The following EIF3L variants were observed in gnomAD, a reference collection of about 807,000 sequenced individuals.
The protein encoded by EIF3L is eukaryotic translation initiation factor 3 subunit L.
A neutral mutation model predicts 74.6 loss-of-function variants in EIF3L; 32 were observed. The observed-to-expected ratio is 0.43, with a 90% confidence interval of 0.32 to 0.58. The LOEUF (loss-of-function observed/expected upper bound fraction) is 0.58, where lower values mean the gene tolerates loss of function less well. Ranked by LOEUF, EIF3L falls within the 20% of genes least tolerant of loss-of-function variation. The probability of loss-of-function intolerance (pLI) is 0.06; values close to 1 mark genes in which losing one functional copy is unlikely to be tolerated. For missense variants in EIF3L, 474 were observed against 707.8 expected, an observed-to-expected ratio of 0.67 and a Z score of 3.75; for synonymous variants, 256 against 254.4, an observed-to-expected ratio of 1.01 and a Z score of -0.06.
chr22:37,849,975 G>C, intron 1 of EIF3L, 40 bp from the exon 2 acceptor site: 1 of 1,612,490 alleles, frequency 6.2e-7, no homozygotes, highest in Non-Finnish European at 8.5e-7. Flanking sequence ...TTGAATTCAC[G>C]ACTTGGCGGC....
At chr22:37,873,384 C>T (rs1177729289) in intron 8 of EIF3L, among the ~76,000 whole-genome samples, 7 of 151,450 alleles carry the variant, frequency 4.6e-5, no homozygotes, top group Non-Finnish European at 7.4e-5. Flanking sequence ...CTGCAAGCTC[C>T]GCCTCCCGGG....
intron 5 of EIF3L, among the ~76,000 whole-genome samples, chr22:37,860,325 C>T (rs949455505): frequency 2.0e-5 from 3 of 152,180 alleles, no homozygotes; most frequent in Non-Finnish European, 1.5e-5. Flanking sequence ...TAAGCTCTGT[C>T]TTCAACATAC....
chr22:37,877,612 C>A, intron 10 of EIF3L, 62 bp from the exon 11 acceptor site: 3 of 1,526,320 alleles, frequency 2.0e-6, no homozygotes, highest in Non-Finnish European at 2.6e-6. Flanking sequence ...GGCCAGTTGG[C>A]AGTGGGGACC....
chr22:37,853,009 A>G (rs1169730901), intron 3 of EIF3L, among the ~76,000 whole-genome samples: 10 of 152,206 alleles, frequency 6.6e-5, no homozygotes. Flanking sequence ...ACACAACACC[A>G]AAACATGCTA....
At position 37,860,564 on chromosome 22, in the gene EIF3L, G is replaced by C. The variant is rs968282787; in HGVS notation, c.435+1824G>C. ...ATTTTTGTATTTTTAGTAGAGACAG[G>C]GTTTCGCTATGTTGCCCAGGCTGGT... On this transcript the variant is annotated intron_variant, in intron 5 of 12. Coordinates refer to ENST00000652021, the MANE Select transcript of EIF3L (RefSeq NM_016091.4). 2.0e-5 allele frequency among the ~76,000 whole-genome samples: 3 copies of C among 152,104 alleles called. No homozygotes were observed. In the South Asian group the frequency reaches 6.2e-4, roughly 32 times the overall value.
chr22:37,888,476 C>T lies in EIF3L; in HGVS notation c.*12C>T, dbSNP rs199601771. On this transcript the variant is annotated 3_prime_UTR_variant, in exon 13 of 13. Coordinates refer to ENST00000652021, the MANE Select transcript of EIF3L (RefSeq NM_016091.4). ...GACAGAGACCTTGATGATATTCACA[C>T]ACATTCAGGAACCTGTTTTGATGTA... 6.2e-7 allele frequency: 1 copy of T among 1,613,136 alleles called. No individual in the cohort carries two copies. The highest frequency in any genetic ancestry group is 1.7e-5 in the Admixed American group (1 of 59,998).
chr22:37,851,591 G>T, intron 3 of EIF3L, 101 bp downstream of exon 3: 2 of 735,904 alleles, frequency 2.7e-6, no homozygotes, highest in African/African-American at 1.8e-5. Context: ...TACTTTCGGG[G>T]GGGTTGGGGG....
chr22:37,858,707 A>G lies in EIF3L; in HGVS notation c.402A>G (p.Glu134=), dbSNP rs199698942. The G allele has an allele frequency of 6.2e-7, 1 of 1,610,412 alleles. No homozygotes were observed. The highest frequency in any genetic ancestry group is 8.5e-7 in the Non-Finnish European group (1 of 1,179,016). The part of the protein sequence containing the change: ...NDAVFLILYK[E]LYYRHIYAKV... ...CTGTCTTCCTGATTTTATACAAAGA[A>G]TTATACTACAGGCACATATATGCCA... Residue 134 remains glutamate (E), a synonymous_variant, in exon 5 of 13, where the codon GAA becomes GAG. Coordinates refer to ENST00000652021, the MANE Select transcript of EIF3L (RefSeq NM_016091.4).
intron 11 of EIF3L, 168 bp downstream of exon 11, chr22:37,878,339 G>T (rs1295942250): frequency 3.6e-6 from 3 of 825,898 alleles, no homozygotes; most frequent in Non-Finnish European, 5.4e-6. Flanking sequence ...GTACTTTAGG[G>T]GAGGCTGGGG....
chr22:37,877,719 C>A lies in EIF3L; in HGVS notation c.1123C>A (p.Leu375Ile). 6.2e-7 allele frequency: 1 copy of A among 1,612,876 alleles called. No homozygotes were observed. The highest frequency in any genetic ancestry group is 1.1e-5 in the South Asian group (1 of 90,946). ...EQMHALLAIA[L>I]TMYPMRIDES... The stretch of plus-strand genomic sequence containing the variant: ...GATGCATGCGCTGCTGGCCATTGCC[C>A]TCACGATGTACCCCATGCGTATTGA... Residue 375 changes from leucine (L) to isoleucine (I), a missense_variant, in exon 11 of 13, where the codon CTC (leucine) becomes ATC (isoleucine). Physicochemically the swap from Leu to Ile is conservative, Grantham distance 5. Transcript: ENST00000652021.
rs981463324 is a variant in EIF3L, at chr22:37,851,176, A to ATT, written c.83-101_83-100dup. 6 of 870,198 alleles carry ATT rather than the reference A, an allele frequency of 6.9e-6. No homozygotes were observed. In the African/African-American group the frequency reaches 1.0e-4, roughly 15 times the overall value. The allele number at this position is 870,198 out of a possible 1,614,324, so 53.9% of individuals were successfully genotyped here. ...TGTATCTCTGAGTATTCAAAAGGGA[A>ATT]TTTTACGCAGACCTGAGTTTAGTTT... On this transcript the variant is annotated intron_variant, in intron 2 of 12. Transcript: ENST00000652021.
At chr22:37,864,024 C>T (rs1353159760) in intron 7 of EIF3L, among the ~76,000 whole-genome samples, 1 of 151,500 alleles carries the variant, frequency 6.6e-6, no homozygotes, top group African/African-American at 2.4e-5. Flanking sequence ...AAGATCGTGC[C>T]ACTGCACTCC....
intron 1 of EIF3L, 110 bp downstream of exon 1, chr22:37,849,592 A>C: frequency 7.9e-7 from 1 of 1,265,120 alleles, no homozygotes; most frequent in Non-Finnish European, 1.1e-6. Flanking sequence ...GCTCCGGCCG[A>C]CCTCCCGCCC....
chr22:37,862,763 G>A (rs1324282188), intron 5 of EIF3L, among the ~76,000 whole-genome samples: 1 of 152,156 alleles, frequency 6.6e-6, no homozygotes, highest in African/African-American at 2.4e-5. Context: ...GTCTGTTGCT[G>A]TAGAACCTAA....
chr22:37,888,361 T>A, intron 12 of EIF3L, 65 bp from the exon 13 acceptor site: 1 of 1,572,150 alleles, frequency 6.4e-7, no homozygotes, highest in Non-Finnish European at 8.7e-7. Context: ...CTAGTGATCA[T>A]ACACACTGTA....
chr22:37,876,900 T>TGCA (rs1234703978), intron 10 of EIF3L: 1 of 152,170 alleles, frequency 6.6e-6, no homozygotes, highest in African/African-American at 2.4e-5. Context: ...AGTGTGGTGA[T>TGCA]GCAGCCGCAC....
chr22:37,868,994 C>T (rs919262471), intron 7 of EIF3L, among the ~76,000 whole-genome samples: 1 of 152,082 alleles, frequency 6.6e-6, no homozygotes, highest in Non-Finnish European at 1.5e-5. Flanking sequence ...CCAAGCTGTT[C>T]TCGAACTCTT....
rs1320953795 is a variant in EIF3L, at chr22:37,877,768, G to A, written c.1172G>A (p.Arg391Gln). The change falls in exon 11 of 13, where the codon CGG (arginine) becomes CAG (glutamine). Residue 391 changes from arginine (R) to glutamine (Q), a missense_variant. Physicochemically the swap from Arg to Gln is conservative, Grantham distance 43 (BLOSUM62 1). Around this residue, in one of 4 missense-constraint regions of EIF3L, gnomAD observed 293 missense variants for 469.1 expected, o/e 0.62. Coordinates refer to ENST00000652021, the MANE Select transcript of EIF3L (RefSeq NM_016091.4). ...RIDESIHLQL[R>Q]EKYGDKMLRM... ...GATGAGAGCATTCACCTCCAGCTGC[G>A]GGAGAAATATGGGGACAAGATGTTG... 2 of 1,613,858 alleles carry A rather than the reference G, an allele frequency of 1.2e-6. No individual in the cohort carries two copies. Among genetic ancestry groups the A allele is most frequent in the South Asian group, 1.1e-5 (1 of 91,070 alleles).
chr22:37,867,074 A>G (rs1321130166), intron 7 of EIF3L, among the ~76,000 whole-genome samples: 1 of 152,050 alleles, frequency 6.6e-6, no homozygotes, highest in Non-Finnish European at 1.5e-5. Context: ...TCTTGCCTTT[A>G]TGGTCCAGGC....
Sources: gnomAD v4.1 joint callset for allele counts (sites outside exome capture counted in the v4.1 genomes callset) on GRCh38, gnomAD v4.1.1 for gene constraint, gnomAD v4.1.1 regional missense constraint, MANE v1.5 for transcripts, NCBI Gene and HGNC (gene_info 2026-07-23, HGNC 2026-07-21) for gene names.